Variants in UNC5C observed in about 807,000 individuals in gnomAD.
UNC5C encodes the protein netrin receptor UNC5C.
A neutral mutation model predicts 99.8 loss-of-function variants in UNC5C; 47 were observed. The observed-to-expected ratio is 0.47, with a 90% CI of 0.37 to 0.60. UNC5C has a LOEUF of 0.60. Among genes scored for constraint, UNC5C ranks in the 20% least tolerant of loss-of-function variants. UNC5C has a pLI of 0.00. For synonymous variants in UNC5C, 487 were observed against 452.2 expected, an observed-to-expected ratio of 1.08 and a Z score of -0.98; for missense variants, 1,062 against 1,165.9, an observed-to-expected ratio of 0.91 and a Z score of 1.30.
intron 1 of UNC5C, among the ~76,000 whole-genome samples, chr4:95,437,821 C>T (rs1429659319): frequency 6.6e-6 from 1 of 152,008 alleles, no homozygotes; most frequent in African/African-American, 2.4e-5. Context: ...ACTAAGAAAA[C>T]TTTGCTAAAT....
At position 95,169,043 on chromosome 4, in the gene UNC5C, C is replaced by T; in HGVS notation, c.*191G>A. 1.6e-6 allele frequency: 1 copy of T among 635,008 alleles called. No individual in the cohort carries two copies. The highest frequency in any genetic ancestry group is 2.8e-5 in the East Asian group (1 of 36,022). The allele number at this position is 635,008 out of a possible 1,614,324, so 39.3% of individuals were successfully genotyped here. ...CAAATTTACACAATTTTTCTTAACT[C>T]CCGTGATGATGTCCGAGTAAAGTGG... On this transcript the variant is annotated 3_prime_UTR_variant, in exon 16 of 16. Coordinates refer to ENST00000453304, the MANE Select transcript of UNC5C (RefSeq NM_003728.4).
rs115382154 is a variant in UNC5C at position 95,539,420 on chromosome 4, G to T, written c.124+9314C>A. 6.0e-3 allele frequency among the ~76,000 whole-genome samples: 917 copies of T among 152,278 alleles called. 2 individuals are homozygous for T. The highest frequency in any genetic ancestry group is 9.7e-3 in the Non-Finnish European group (659 of 68,020). On this transcript the variant is annotated intron_variant, in intron 1 of 15. Coordinates refer to ENST00000453304, the MANE Select transcript of UNC5C (RefSeq NM_003728.4). ...CTTTGGAAACTGGGGAAATGACTTCGCAATTTGCCAAGAGCAAGGCAACTT... is the reference window on the plus strand; with the variant it reads ...CTTTGGAAACTGGGGAAATGACTTCTCAATTTGCCAAGAGCAAGGCAACTT...
At chr4:95,388,121 G>A (rs1224216423) in intron 1 of UNC5C, among the ~76,000 whole-genome samples, 1 of 152,128 alleles carries the variant, frequency 6.6e-6, no homozygotes, top group Non-Finnish European at 1.5e-5. Flanking sequence ...AGAAATAGGA[G>A]TCTAGGAACA....
chr4:95,199,604 T>TATA (rs1737571784), intron 12 of UNC5C, among the ~76,000 whole-genome samples: 1 of 152,212 alleles, frequency 6.6e-6, no homozygotes, highest in South Asian at 2.1e-4. Context: ...GTTCACTAAT[T>TATA]ATAATAATCA....
At chr4:95,336,992 T>C (rs1743376514) in intron 1 of UNC5C, among the ~76,000 whole-genome samples, 3 of 151,914 alleles carry the variant, frequency 2.0e-5, no homozygotes, top group Admixed American at 1.3e-4. Context: ...ACTGCTTAAA[T>C]AAACATAGCT....
intron 1 of UNC5C, among the ~76,000 whole-genome samples, chr4:95,498,850 C>A (rs552370423): frequency 1.3e-5 from 2 of 151,930 alleles, no homozygotes; most frequent in Non-Finnish European, 2.9e-5. Flanking sequence ...CACATATAAT[C>A]GCTATTTCAA....
At chr4:95,381,650 ATT>A (rs202065811) in intron 1 of UNC5C, among the ~76,000 whole-genome samples, 2,603 of 152,268 alleles carry the variant, frequency 0.017, 89 homozygotes, top group African/African-American at 0.059. Flanking sequence ...CCACTTAATT[ATT>A]TGATAGTTTG....
chr4:95,481,392 C>T (rs941164585), intron 1 of UNC5C, among the ~76,000 whole-genome samples: 53 of 152,078 alleles, frequency 3.5e-4, no homozygotes, highest in African/African-American at 1.2e-3. Flanking sequence ...ATTCCATGCT[C>T]ATGGGTAGGA....
intron 10 of UNC5C, among the ~76,000 whole-genome samples, chr4:95,207,127 G>T (rs1244286487): frequency 6.6e-6 from 1 of 152,112 alleles, no homozygotes; most frequent in East Asian, 1.9e-4. Flanking sequence ...AATGAACAGA[G>T]TCCCTATGAA....
chr4:95,412,446 G>A (rs915329226), intron 1 of UNC5C, among the ~76,000 whole-genome samples: 1 of 152,034 alleles, frequency 6.6e-6, no homozygotes, highest in Non-Finnish European at 1.5e-5. Flanking sequence ...ATCCTAGACT[G>A]GAAGCTCCTT....
intron 1 of UNC5C, among the ~76,000 whole-genome samples, chr4:95,474,804 A>C (rs10005557): frequency 6.6e-6 from 1 of 152,160 alleles, no homozygotes; most frequent in South Asian, 2.1e-4. Flanking sequence ...ATAGATCAAG[A>C]AAGAGATTTT....
At chr4:95,260,168 A>G (rs1417636555) in intron 4 of UNC5C, among the ~76,000 whole-genome samples, 1 of 152,184 alleles carries the variant, frequency 6.6e-6, no homozygotes, top group African/African-American at 2.4e-5. Flanking sequence ...TCTGTGACAG[A>G]TTTTTGGTCA....
At chr4:95,380,443 ATT>A (rs10560399) in intron 1 of UNC5C, among the ~76,000 whole-genome samples, 32,399 of 132,562 alleles carry the variant, frequency 0.24, 3,837 homozygotes, top group East Asian at 0.72. Flanking sequence ...CTTAAGAAAC[ATT>A]TTTTTTTTTT....
At chr4:95,309,737 C>T (rs954483313) in intron 2 of UNC5C, among the ~76,000 whole-genome samples, 3 of 152,138 alleles carry the variant, frequency 2.0e-5, no homozygotes. Flanking sequence ...TATCACCTCA[C>T]ACCTGGAAGA....
chr4:95,465,751 G>T (rs1250044299), intron 1 of UNC5C, among the ~76,000 whole-genome samples: 1 of 152,038 alleles, frequency 6.6e-6, no homozygotes, highest in South Asian at 2.1e-4. Flanking sequence ...AAAGCAGTCA[G>T]GTTAAAAAAA....
At chr4:95,548,426 G>A (rs1430897216) in intron 1 of UNC5C, among the ~76,000 whole-genome samples, 1 of 151,956 alleles carries the variant, frequency 6.6e-6, no homozygotes, top group African/African-American at 2.4e-5. Flanking sequence ...TGCGCGTGCG[G>A]AGCTGAAAGG....
At chr4:95,186,693 G>C (rs755722620) in intron 12 of UNC5C, among the ~76,000 whole-genome samples, 4 of 152,200 alleles carry the variant, frequency 2.6e-5, no homozygotes, top group Non-Finnish European at 5.9e-5. Flanking sequence ...TCTAATGGAA[G>C]AGATGAGGCA....
intron 7 of UNC5C, among the ~76,000 whole-genome samples, chr4:95,229,797 C>CTTTTTTT (rs71583694): frequency 3.0e-4 from 24 of 79,554 alleles, no homozygotes; most frequent in African/African-American, 6.9e-4. Context: ...CTGTTGTTTC[C>CTTTTTTT]TTTTTTTTTT....
rs1271139666 is a variant in UNC5C, at chr4:95,301,587, T to G, written c.490+19A>C. On this transcript the variant is annotated intron_variant, in intron 3 of 15. Coordinates refer to ENST00000453304, the MANE Select transcript of UNC5C (RefSeq NM_003728.4). ...TATCAACTTCTGAGACCCAAGGTGC[T>G]TATTGTACAATGACTCACATGCAAT... 1 of 1,613,872 alleles carries G rather than the reference T, an allele frequency of 6.2e-7. No individual in the cohort carries two copies. The highest frequency in any genetic ancestry group is 1.1e-5 in the South Asian group (1 of 91,072).
Sources: allele counts gnomAD v4.1 joint callset (sites outside exome capture counted in the v4.1 genomes callset), GRCh38; gene constraint gnomAD v4.1.1; transcripts MANE v1.5; gene names NCBI Gene and HGNC (gene_info 2026-07-23, HGNC 2026-07-21).